The following SYT1 variants were observed in gnomAD, a reference collection of about 807,000 sequenced individuals.
SYT1 encodes the protein synaptotagmin 1.
Under a neutral mutation model 44.8 loss-of-function variants are expected in SYT1, and 8 were observed. That is an observed-to-expected ratio of 0.18 (90% confidence interval 0.10 to 0.32). The LOEUF (loss-of-function observed/expected upper bound fraction) is 0.32. Ranked by LOEUF, SYT1 falls within the 10% of genes least tolerant of loss-of-function variation. SYT1 has a pLI of 1.00. For missense variants in SYT1, 286 were observed against 509.3 expected (o/e 0.56, Z 4.22); for synonymous variants, 154 against 188.8 (o/e 0.82, Z 1.51).
At chr12:79,288,445 A>G (rs1342743043) in intron 5 of SYT1, among the ~76,000 whole-genome samples, 2 of 152,132 alleles carry the variant, frequency 1.3e-5, no homozygotes, top group Admixed American at 1.3e-4. Context: ...TATAGGCTCT[A>G]TATACAAGAT....
chr12:78,906,490 T>C (rs947670209), intron 1 of SYT1, among the ~76,000 whole-genome samples: 7 of 152,086 alleles, frequency 4.6e-5, no homozygotes, highest in Admixed American at 3.3e-4. Context: ...TTGTAAAATA[T>C]TTAGTATGTC....
In SYT1 at chr12:79,098,921, G is replaced by T. The variant is rs564900467; in HGVS notation, c.-18+51559G>T. On this transcript the variant is annotated intron_variant, in intron 3 of 10. Transcript: ENST00000261205. ...GCAGAGCAACTTCAACTGGTCCAAT[G>T]TATGAGTATCGACTTTTTATCCTTT... is the stretch of plus-strand genomic sequence containing the variant. Among the ~76,000 whole-genome samples the T allele has an allele frequency of 3.9e-5, 6 of 152,266 alleles. No individual in the cohort carries two copies. The South Asian group carries it at 1.2e-3, about 32-fold the overall frequency.
chr12:79,294,156 C>A (rs1475762332), intron 6 of SYT1, among the ~76,000 whole-genome samples: 1 of 151,750 alleles, frequency 6.6e-6, no homozygotes, highest in Non-Finnish European at 1.5e-5. Flanking sequence ...TTCAAGTTAG[C>A]TTTAATTATT....
intron 3 of SYT1, among the ~76,000 whole-genome samples, chr12:79,101,328 A>G (rs1310508653): frequency 6.6e-6 from 1 of 152,230 alleles, no homozygotes; most frequent in Non-Finnish European, 1.5e-5. Flanking sequence ...ATGTTACAAA[A>G]TGGATGAACC....
intron 3 of SYT1, among the ~76,000 whole-genome samples, chr12:79,111,597 C>T (rs1879014417): frequency 6.6e-6 from 1 of 152,052 alleles, no homozygotes; most frequent in South Asian, 2.1e-4. Context: ...TGATATATTT[C>T]AAAGTATCTC....
At chr12:79,125,301 A>G in intron 3 of SYT1, among the ~76,000 whole-genome samples, 1 of 152,064 alleles carries the variant, frequency 6.6e-6, no homozygotes, top group East Asian at 1.9e-4. Flanking sequence ...TCTTTGGCAA[A>G]CATTGTAAAG....
At chr12:79,348,749 T>C (rs1882714236) in intron 8 of SYT1, among the ~76,000 whole-genome samples, 1 of 151,800 alleles carries the variant, frequency 6.6e-6, no homozygotes, top group Non-Finnish European at 1.5e-5. Flanking sequence ...TGGAGGTGAT[T>C]GAAATGGTGG....
intron 4 of SYT1, among the ~76,000 whole-genome samples, chr12:79,279,850 G>T (rs1878950014): frequency 6.6e-6 from 1 of 151,918 alleles, no homozygotes; most frequent in Admixed American, 6.6e-5. Flanking sequence ...TGCCAATAAT[G>T]ATCAAGCTGA....
In SYT1 at chr12:79,451,027, CT is replaced by C. The variant is rs1299015022; in HGVS notation, c.*1905del. On this transcript the variant is annotated 3_prime_UTR_variant, in exon 11 of 11. Coordinates refer to ENST00000261205, the MANE Select transcript of SYT1 (RefSeq NM_005639.3). ...ACTAAGCATTGGCCTCATGTTCAGT[CT>C]TCAGGATATCACACCACGTCTTTTC... The C allele has an allele frequency of 1.3e-5, 2 of 152,260 alleles. No homozygotes were observed. Among genetic ancestry groups the C allele is most frequent in the African/African-American group, 4.8e-5 (2 of 41,436 alleles). 9.4% of individuals were successfully genotyped at this position (152,260 alleles called of 1,614,324 possible).
rs1286550907 is a variant in SYT1, at chr12:79,192,141, G to GC, written c.-17-25362_-17-25361insC. ...CGTGCAAGTAAAAAGGAAAGAGATTGAAGGTCTAAGAATGTCAGAAATACC... is the reference window on the plus strand; with the variant it reads ...CGTGCAAGTAAAAAGGAAAGAGATTGCAAGGTCTAAGAATGTCAGAAATACC... On this transcript the variant is annotated intron_variant, in intron 3 of 10. Transcript: ENST00000261205. Among the ~76,000 whole-genome samples the GC allele has an allele frequency of 2.0e-5, 3 of 152,278 alleles. No homozygotes were observed. The East Asian group carries it at 5.8e-4, about 29-fold the overall frequency.
chr12:79,050,068 T>G (rs1224919429), intron 3 of SYT1, among the ~76,000 whole-genome samples: 1 of 152,060 alleles, frequency 6.6e-6, no homozygotes, highest in Admixed American at 6.6e-5. Context: ...TTTTAACTCC[T>G]CCAAAACTTA....
At chr12:79,395,359 C>T (rs2136103563) in intron 9 of SYT1, among the ~76,000 whole-genome samples, 1 of 152,220 alleles carries the variant, frequency 6.6e-6, no homozygotes, top group Non-Finnish European at 1.5e-5. Flanking sequence ...GCTGGGATTA[C>T]AGGGGCCCAC....
At chr12:79,154,089 G>GTGTGAAGT (rs1458456268) in intron 3 of SYT1, among the ~76,000 whole-genome samples, 1 of 152,058 alleles carries the variant, frequency 6.6e-6, no homozygotes, top group Non-Finnish European at 1.5e-5. Flanking sequence ...CCAATCATTA[G>GTGTGAAGT]TGTGAAGTTA....
chr12:79,231,263 A>G (rs1362122292), intron 4 of SYT1, among the ~76,000 whole-genome samples: 1 of 152,184 alleles, frequency 6.6e-6, no homozygotes, highest in Non-Finnish European at 1.5e-5. Context: ...ACTGTAATAA[A>G]GGGATTTGTA....
At chr12:78,898,454 AT>A (rs1875483229) in intron 1 of SYT1, among the ~76,000 whole-genome samples, 1 of 152,108 alleles carries the variant, frequency 6.6e-6, no homozygotes, top group Non-Finnish European at 1.5e-5. Flanking sequence ...TACAAACAAC[AT>A]AATCCCTATT....
intron 1 of SYT1, among the ~76,000 whole-genome samples, chr12:78,890,155 C>T (rs1874970822): frequency 6.6e-6 from 1 of 151,908 alleles, no homozygotes; most frequent in South Asian, 2.1e-4. Context: ...TTCTTACAAT[C>T]TGTACAATAA....
At chr12:78,903,420 G>A (rs765843702) in intron 1 of SYT1, among the ~76,000 whole-genome samples, 10 of 151,858 alleles carry the variant, frequency 6.6e-5, no homozygotes, top group Non-Finnish European at 1.3e-4. Flanking sequence ...TGTGTAGCCT[G>A]GGATTACAGG....
At chr12:79,421,897 C>G (rs1252678372) in intron 9 of SYT1, among the ~76,000 whole-genome samples, 1 of 151,984 alleles carries the variant, frequency 6.6e-6, no homozygotes, top group African/African-American at 2.4e-5. Context: ...TATTCTTTCT[C>G]TTTAGTGAAA....
intron 4 of SYT1, among the ~76,000 whole-genome samples, chr12:79,241,757 AT>A: frequency 6.6e-6 from 1 of 152,264 alleles, no homozygotes; most frequent in East Asian, 1.9e-4. Flanking sequence ...CCCATACTGT[AT>A]GTTCAAGTCC....
Sources: gnomAD v4.1 joint callset for allele counts (sites outside exome capture counted in the v4.1 genomes callset) on GRCh38, gnomAD v4.1.1 for gene constraint, MANE v1.5 for transcripts, NCBI Gene and HGNC (gene_info 2026-07-23, HGNC 2026-07-21) for gene names.